PTPRO: variants seen among roughly 807,000 people sequenced by gnomAD.
PTPRO encodes receptor-type tyrosine-protein phosphatase O.
A neutral mutation model predicts 145.2 loss-of-function variants in PTPRO; 62 were observed. The observed-to-expected ratio is 0.43, with a 90% CI of 0.35 to 0.53. The LOEUF (loss-of-function observed/expected upper bound fraction) is 0.53. Among genes scored for constraint, PTPRO ranks in the 20% least tolerant of loss-of-function variants. The pLI is 0.01. For missense variants in PTPRO, 1,345 were observed against 1,482.7 expected, an observed-to-expected ratio of 0.91 and a Z score of 1.53; for synonymous variants, 565 against 514.7, an observed-to-expected ratio of 1.10 and a Z score of -1.32.
At chr12:15,550,151 C>G (rs1039048429) in intron 14 of PTPRO, among the ~76,000 whole-genome samples, 2 of 152,100 alleles carry the variant, frequency 1.3e-5, no homozygotes, top group African/African-American at 2.4e-5. Flanking sequence ...TACTGTTGAC[C>G]TGAAGTCTTA....
intron 12 of PTPRO, among the ~76,000 whole-genome samples, chr12:15,529,916 G>C (rs1457312668): frequency 6.6e-6 from 1 of 152,154 alleles, no homozygotes; most frequent in East Asian, 1.9e-4. Context: ...TCAATTAAAA[G>C]TCACAGTGTG....
chr12:15,370,943 G>C (rs7972762), intron 1 of PTPRO, among the ~76,000 whole-genome samples: 25,612 of 152,038 alleles, frequency 0.17, 5,119 homozygotes, highest in African/African-American at 0.48. Context: ...ACTTTGCAAA[G>C]CAGAACAGTA....
chr12:15,581,665 T>C lies in PTPRO; in HGVS notation c.3133-14T>C, dbSNP rs778103102. On this transcript the variant is annotated splice_polypyrimidine_tract_variant and intron_variant, in intron 22 of 26. Transcript: ENST00000281171. ...GCCTGTTTGTTTTAAAAAATTGTTT[T>C]GTCCTTGCTCCAGGTGAAATGTGAC... 6.2e-7 allele frequency: 1 copy of C among 1,613,672 alleles called. No homozygotes were observed.
At chr12:15,522,322 A>G (rs2136518774) in intron 10 of PTPRO, among the ~76,000 whole-genome samples, 1 of 151,288 alleles carries the variant, frequency 6.6e-6, no homozygotes, top group Middle Eastern at 3.4e-3. Context: ...ATAGGTATAC[A>G]TGTGCCATGG....
At chr12:15,384,201 G>T (rs1938952006) in intron 1 of PTPRO, among the ~76,000 whole-genome samples, 1 of 152,146 alleles carries the variant, frequency 6.6e-6, no homozygotes, top group Non-Finnish European at 1.5e-5. Flanking sequence ...CATTCAGTTG[G>T]TTGGGGGCCA....
chr12:15,366,321 T>C (rs750306608), intron 1 of PTPRO, among the ~76,000 whole-genome samples: 17 of 151,686 alleles, frequency 1.1e-4, no homozygotes, highest in Non-Finnish European at 2.4e-4. Flanking sequence ...ATTTAATACT[T>C]AAGTTACCAG....
intron 1 of PTPRO, among the ~76,000 whole-genome samples, chr12:15,460,505 G>C (rs971823934): frequency 2.6e-5 from 4 of 152,106 alleles, no homozygotes; most frequent in African/African-American, 4.8e-5. Context: ...ATAATGAAGA[G>C]AGTCTTCATT....
chr12:15,390,036 A>G (rs986504289), intron 1 of PTPRO, among the ~76,000 whole-genome samples: 9 of 151,798 alleles, frequency 5.9e-5, no homozygotes, highest in African/African-American at 1.5e-4. Flanking sequence ...AGGGAAGGAG[A>G]AAAAAAAATT....
intron 1 of PTPRO, among the ~76,000 whole-genome samples, chr12:15,466,376 T>C (rs1941415896): frequency 6.6e-6 from 1 of 152,180 alleles, no homozygotes; most frequent in Non-Finnish European, 1.5e-5. Context: ...GTTACCATGG[T>C]TTCTGAAAAA....
chr12:15,322,562 G>A lies in PTPRO; in HGVS notation c.-165G>A, dbSNP rs1047792519. 1.9e-5 allele frequency: 13 copies of A among 688,550 alleles called. No individual in the cohort carries two copies. The highest frequency in any genetic ancestry group is 1.0e-4 in the Admixed American group (5 of 47,678). The allele number at this position is 688,550 out of a possible 1,614,324, so 42.7% of individuals were successfully genotyped here. A position where few individuals can be genotyped will look rare whatever the true frequency, so the allele number is the denominator to read the frequency against. On this transcript the variant is annotated 5_prime_UTR_variant, in exon 1 of 27. Transcript: ENST00000281171. This position sits in a 1 kb window ranked among gnomAD's most constrained non-coding sequence, Gnocchi z 6.3. ...GTTCTTGGAGGACCCCGGGCGCAGA[G>A]GAGGAAAGGGAGCAGGCGCAGGGGG...
At chr12:15,524,227 T>C (rs1942790000) in intron 10 of PTPRO, among the ~76,000 whole-genome samples, 1 of 151,910 alleles carries the variant, frequency 6.6e-6, no homozygotes, top group African/African-American at 2.4e-5. Context: ...GCAACATTTA[T>C]TAAGAGCCTG....
chr12:15,370,151 C>A (rs561191487), intron 1 of PTPRO, among the ~76,000 whole-genome samples: 2 of 152,136 alleles, frequency 1.3e-5, no homozygotes, highest in Admixed American at 1.3e-4. Context: ...AAAATTCTTG[C>A]AGACAGTCTT....
At chr12:15,343,080 G>T (rs1483639152) in intron 1 of PTPRO, among the ~76,000 whole-genome samples, 1 of 152,006 alleles carries the variant, frequency 6.6e-6, no homozygotes, top group Admixed American at 6.6e-5. Flanking sequence ...TAGTTGAGTT[G>T]AATAAACTAG....
chr12:15,519,435 T>C (rs1195769902), intron 9 of PTPRO, among the ~76,000 whole-genome samples: 1 of 152,186 alleles, frequency 6.6e-6, no homozygotes, highest in Non-Finnish European at 1.5e-5. Context: ...CTCTTTTGTT[T>C]TGAGAGGGAG....
chr12:15,545,476 T>C (rs900344692), intron 12 of PTPRO, among the ~76,000 whole-genome samples: 1 of 149,538 alleles, frequency 6.7e-6, no homozygotes, highest in Non-Finnish European at 1.5e-5. Context: ...AAAGACAGGG[T>C]CACAAGCAGA....
intron 1 of PTPRO, among the ~76,000 whole-genome samples, chr12:15,346,875 C>T (rs1867236201): frequency 6.6e-6 from 1 of 152,162 alleles, no homozygotes. Context: ...CTTTCATGAT[C>T]TGATTTATTA....
chr12:15,555,030 G>C (rs1943580320), intron 15 of PTPRO, among the ~76,000 whole-genome samples: 1 of 152,042 alleles, frequency 6.6e-6, no homozygotes, highest in African/African-American at 2.4e-5. Context: ...GAGGTCAGGA[G>C]TTTGAGACCA....
At chr12:15,538,915 A>C (rs1248511826) in intron 12 of PTPRO, among the ~76,000 whole-genome samples, 1 of 152,226 alleles carries the variant, frequency 6.6e-6, no homozygotes, top group Non-Finnish European at 1.5e-5. Flanking sequence ...TATCTATAAA[A>C]TGAGTCTGGG....
chr12:15,580,706 T>C lies in PTPRO; in HGVS notation c.3007T>C (p.Ser1003Pro). 1 of 1,614,084 alleles carries C rather than the reference T, an allele frequency of 6.2e-7. No individual in the cohort carries two copies. Among genetic ancestry groups the C allele is most frequent in the Non-Finnish European group, 8.5e-7 (1 of 1,179,984 alleles). ...INANYIPGYNSPQEYIATQGP... is the reference protein window; with the variant it reads ...INANYIPGYNPPQEYIATQGP... ...GTCACTTATCTTTCAGGGATACAAC[T>C]CACCCCAGGAGTATATTGCCACCCA... Residue 1003 changes from serine (S) to proline (P), a missense_variant, in exon 22 of 27, where the codon TCA (serine) becomes CCA (proline). By Grantham distance (74) the Ser-to-Pro change is moderately conservative. Around this residue, in one of 3 missense-constraint regions of PTPRO, gnomAD observed 1,130 missense variants for 1,214.7 expected, o/e 0.93. Coordinates refer to ENST00000281171, the MANE Select transcript of PTPRO (RefSeq NM_030667.3).
Sources: gnomAD v4.1 joint callset for allele counts (sites outside exome capture counted in the v4.1 genomes callset) on GRCh38, gnomAD v4.1.1 for gene constraint, gnomAD v4.1.1 regional missense constraint, Gnocchi (gnomAD v3.1) non-coding constraint, MANE v1.5 for transcripts, NCBI Gene and HGNC (gene_info 2026-07-23, HGNC 2026-07-21) for gene names.